SLC45A1: variants seen among roughly 807,000 people sequenced by gnomAD.
SLC45A1 encodes solute carrier family 45 member 1, also known as proton-associated sugar transporter A.
A neutral mutation model predicts 57.6 loss-of-function variants in SLC45A1; 28 were observed. That is an observed-to-expected ratio of 0.49 (90% CI 0.36 to 0.67). The LOEUF is 0.67. SLC45A1 is among the 30% of genes least tolerant of loss of function. SLC45A1 has a pLI of 0.00. For synonymous variants in SLC45A1, 459 were observed against 471.5 expected (o/e 0.97, Z 0.34); for missense variants, 814 against 1,041.5 (o/e 0.78, Z 3.01).
intron 7 of SLC45A1, among the ~76,000 whole-genome samples, chr1:8,339,102 C>G (rs570268904): frequency 6.6e-6 from 1 of 152,296 alleles, no homozygotes; most frequent in East Asian, 1.9e-4. Flanking sequence ...TGGCTGGCTA[C>G]GGGATGGGCT....
intron 8 of SLC45A1, among the ~76,000 whole-genome samples, chr1:8,341,260 T>C (rs1487664512): frequency 1.4e-5 from 2 of 145,782 alleles, no homozygotes; most frequent in Non-Finnish European, 3.0e-5. Flanking sequence ...CACAGCCGGG[T>C]GCGGTGGCTC....
At chr1:8,322,603 A>G (rs996206381) in intron 1 of SLC45A1, among the ~76,000 whole-genome samples, 23 of 152,166 alleles carry the variant, frequency 1.5e-4, no homozygotes, top group Non-Finnish European at 2.6e-4. Context: ...AGAGTGATTC[A>G]TAAATAATTT....
chr1:8,320,690 TCTACACACACACACACACACACAC>T (rs1256832922), intron 1 of SLC45A1, among the ~76,000 whole-genome samples: 5 of 130,216 alleles, frequency 3.8e-5, no homozygotes, highest in South Asian at 2.6e-4. Flanking sequence ...TCTCTCTCTC[TCTACACACACACACACACACACAC>T]ACACACACAC....
At chr1:8,338,528 G>A (rs779878831) in intron 7 of SLC45A1, among the ~76,000 whole-genome samples, 2 of 152,360 alleles carry the variant, frequency 1.3e-5, no homozygotes, top group East Asian at 1.9e-4. Flanking sequence ...GGGCCTGGCC[G>A]GTAGCGTGCA....
In SLC45A1 at chr1:8,330,397, G is replaced by A. The variant is rs371786790; in HGVS notation, c.904G>A (p.Ala302Thr). The change falls in exon 5 of 9, where the codon GCC becomes ACC. Residue 302 changes from alanine to threonine, a missense_variant. Ala to Thr is a moderately conservative substitution (Grantham distance 58). Coordinates refer to ENST00000471889, the MANE Select transcript of SLC45A1 (RefSeq NM_001080397.3). The surrounding 1 kb of genome is among the most constrained non-coding windows in gnomAD (Gnocchi z 8.4). The stretch of plus-strand genomic sequence containing the variant: ...GCGGCCGCCGAGTGAGAAGCGGGCA[G>A]CCATGAAGAGCCCCAGCCTCCCGCT... The part of the protein sequence containing the change: ...PLRPPSEKRA[A>T]MKSPSLPLPP... The A allele has an allele frequency of 1.9e-6, 3 of 1,612,732 alleles. No individual in the cohort carries two copies. The highest frequency in any genetic ancestry group is 2.2e-5 in the East Asian group (1 of 44,842).
chr1:8,323,232 C>T (rs1057347532), intron 1 of SLC45A1, among the ~76,000 whole-genome samples: 2 of 152,076 alleles, frequency 1.3e-5, no homozygotes, highest in Non-Finnish European at 2.9e-5. Flanking sequence ...GTGGCTCACG[C>T]CTGTAATCCC....
rs1212134990 is a variant in SLC45A1 at position 8,328,159 on chromosome 1, G to A, written c.716-2050G>A. The A allele has an allele frequency of 6.6e-6, 1 of 152,202 alleles. No homozygotes were observed. The highest frequency in any genetic ancestry group is 1.9e-4 in the East Asian group (1 of 5,196). The allele number at this position is 152,202 out of a possible 1,614,324, so 9.4% of individuals were successfully genotyped here. On this transcript the variant is annotated intron_variant, in intron 4 of 8. Coordinates refer to ENST00000471889, the MANE Select transcript of SLC45A1 (RefSeq NM_001080397.3). This position sits in a 1 kb window ranked among gnomAD's most constrained non-coding sequence, Gnocchi z 4.6. ...CTCTACTCTTTCCCCAACCCTCACT[G>A]CTGCACTTGACTAGTCTTGAAAAAG...
intron 1 of SLC45A1, among the ~76,000 whole-genome samples, chr1:8,321,773 T>C (rs1640014788): frequency 6.6e-6 from 1 of 151,334 alleles, no homozygotes; most frequent in Non-Finnish European, 1.5e-5. Flanking sequence ...GACAGATGAA[T>C]AGATGAATGG....
chr1:8,321,582 C>T (rs966953111), intron 1 of SLC45A1, among the ~76,000 whole-genome samples: 1 of 152,096 alleles, frequency 6.6e-6, no homozygotes, highest in Non-Finnish European at 1.5e-5. Flanking sequence ...AGAACTGTGT[C>T]TTTTATCTCT....
chr1:8,324,185 C>T, intron 1 of SLC45A1, 121 bp from the exon 2 acceptor site: 1 of 894,714 alleles, frequency 1.1e-6, no homozygotes, highest in Non-Finnish European at 1.7e-6. Flanking sequence ...CAACCATGAG[C>T]AGTGCATTCT....
At chr1:8,333,551 T>C (rs181880615) in intron 5 of SLC45A1, among the ~76,000 whole-genome samples, 1 of 152,352 alleles carries the variant, frequency 6.6e-6, no homozygotes, top group East Asian at 1.9e-4. Context: ...TCCTCCCATC[T>C]CAGCCTCCTG....
rs540153266 is a variant in SLC45A1 at position 8,343,877 on chromosome 1, G to A, written c.2111G>A (p.Ser704Asn). ...GGGCCCCTGACCTCGGCCGTGGGCA[G>A]TGCCAACGGGGTGATGTACTTCTCC... ...VLGPLTSAVG[S>N]ANGVMYFSSL... The change falls in exon 9 of 9, where the codon AGT (serine) becomes AAT (asparagine). Residue 704 changes from serine (S) to asparagine (N), a missense_variant. Ser to Asn is a conservative substitution (Grantham distance 46). Transcript: ENST00000471889. This position sits in a 1 kb window ranked among gnomAD's most constrained non-coding sequence, Gnocchi z 7.7. The A allele has an allele frequency of 2.5e-6, 4 of 1,614,196 alleles. No homozygotes were observed. In the South Asian group the frequency reaches 3.3e-5, roughly 13 times the overall value.
At chr1:8,334,336 C>T (rs1334900800) in intron 5 of SLC45A1, among the ~76,000 whole-genome samples, 3 of 152,234 alleles carry the variant, frequency 2.0e-5, no homozygotes, top group Non-Finnish European at 4.4e-5. Flanking sequence ...TGGGAGCCGG[C>T]ACTGCGGCCT....
In SLC45A1 at chr1:8,343,950, T is replaced by TA; in HGVS notation, c.2184_2185insA (p.Tyr729IlefsTer2). 6.2e-7 allele frequency: 1 copy of TA among 1,613,932 alleles called. No homozygotes were observed. Among genetic ancestry groups the TA allele is most frequent in the South Asian group, 1.1e-5 (1 of 91,070 alleles). On this transcript the variant is annotated frameshift_variant, in exon 9 of 9. Transcript: ENST00000471889. LOFTEE classifies it high-confidence loss of function. This position sits in a 1 kb window ranked among gnomAD's most constrained non-coding sequence, Gnocchi z 7.7. Reference sequence around the variant, plus strand: ...GCCTGTACTCCTCCCTGTTTGTCATTTATGAAATTCCTCCCAGCGACGCTG... The same window carrying TA: ...GCCTGTACTCCTCCCTGTTTGTCATTATATGAAATTCCTCCCAGCGACGCTG...
At position 8,343,298 on chromosome 1, in the gene SLC45A1, C is replaced by T. The variant is rs567316888; in HGVS notation, c.1981-449C>T. 2.6e-5 allele frequency among the ~76,000 whole-genome samples: 4 copies of T among 152,302 alleles called. No homozygotes were observed. The South Asian group carries it at 6.2e-4, about 24-fold the overall frequency. ...TGAGTGACGTGCCCAAGCTGGAGGCCACGAGGACCTTGGAGCCTCGGACAG... is the reference window on the plus strand; with the variant it reads ...TGAGTGACGTGCCCAAGCTGGAGGCTACGAGGACCTTGGAGCCTCGGACAG... On this transcript the variant is annotated intron_variant, in intron 8 of 8. Coordinates refer to ENST00000471889, the MANE Select transcript of SLC45A1 (RefSeq NM_001080397.3). This position sits in a 1 kb window ranked among gnomAD's most constrained non-coding sequence, Gnocchi z 7.7.
At chr1:8,321,458 C>T (rs1015141961) in intron 1 of SLC45A1, among the ~76,000 whole-genome samples, 1 of 152,082 alleles carries the variant, frequency 6.6e-6, no homozygotes, top group Non-Finnish European at 1.5e-5. Context: ...CTGAGGGCTT[C>T]ATCTCTCACC....
At chr1:8,339,030 A>G (rs1047517103) in intron 7 of SLC45A1, among the ~76,000 whole-genome samples, 1 of 152,054 alleles carries the variant, frequency 6.6e-6, no homozygotes, top group Non-Finnish European at 1.5e-5. Flanking sequence ...ATTTTATCTG[A>G]TTCTAGGGAG....
Position 8,326,012 on chromosome 1 carries a change from C to T in SLC45A1, c.685C>T (p.Arg229Ter). 6.2e-7 allele frequency: 1 copy of T among 1,606,732 alleles called. No individual in the cohort carries two copies. The highest frequency in any genetic ancestry group is 8.5e-7 in the Non-Finnish European group (1 of 1,179,982). The change falls in exon 4 of 9, where the codon CGA becomes TGA. Residue 229 changes from arginine (R) to a stop codon, truncating the protein, a stop_gained. Transcript: ENST00000471889. LOFTEE classifies it high-confidence loss of function. The surrounding 1 kb of genome is among the most constrained non-coding windows in gnomAD (Gnocchi z 5.5). Reference protein sequence around the residue: ...MDVCSPADQDRGLNIHALLAG... With the variant: ...MDVCSPADQD ...CGTGTGCAGCCCCGCAGACCAGGACCGAGGCCTGAACATCCACGCCCTCCT... is the reference window on the plus strand; with the variant it reads ...CGTGTGCAGCCCCGCAGACCAGGACTGAGGCCTGAACATCCACGCCCTCCT...
intron 5 of SLC45A1, among the ~76,000 whole-genome samples, chr1:8,334,709 C>T (rs1313283439): frequency 6.6e-6 from 1 of 152,086 alleles, no homozygotes; most frequent in Non-Finnish European, 1.5e-5. Context: ...TCTAAAACAA[C>T]AAAAACAACA....
Sources: gnomAD v4.1 joint callset for allele counts (sites outside exome capture counted in the v4.1 genomes callset) on GRCh38, gnomAD v4.1.1 for gene constraint, Gnocchi (gnomAD v3.1) non-coding constraint, MANE v1.5 for transcripts, NCBI Gene and HGNC (gene_info 2026-07-23, HGNC 2026-07-21) for gene names.